Variants in TBC1D22A observed in about 807,000 individuals in gnomAD.
The protein encoded by TBC1D22A is putative GTPase activator.
Under a neutral mutation model 60.2 loss-of-function variants are expected in TBC1D22A, and 38 were observed. That is an observed-to-expected ratio of 0.63 (90% CI 0.49 to 0.83). The LOEUF is 0.83. Ranked by LOEUF, TBC1D22A falls within the 40% of genes least tolerant of loss-of-function variation. TBC1D22A has a pLI of 0.00. For synonymous variants in TBC1D22A, 302 were observed against 281.7 expected (o/e 1.07, Z -0.72); for missense variants, 628 against 701.0 (o/e 0.90, Z 1.18).
At chr22:46,888,427 A>T (rs2068228224) in intron 5 of TBC1D22A, among the ~76,000 whole-genome samples, 1 of 152,192 alleles carries the variant, frequency 6.6e-6, no homozygotes, top group Non-Finnish European at 1.5e-5. Flanking sequence ...GCCATCCGGG[A>T]TGTATTTGTT....
chr22:46,927,247 T>G (rs1052797354), intron 8 of TBC1D22A, among the ~76,000 whole-genome samples: 5 of 152,214 alleles, frequency 3.3e-5, no homozygotes, highest in African/African-American at 9.6e-5. Flanking sequence ...TTGAAAGGAT[T>G]AGGCATTATT....
Position 46,913,889 on chromosome 22 carries a change from T to C in TBC1D22A, c.1015+1701T>C, listed in dbSNP as rs535389627. ...TGAAGGGGCATGACCACGATCTTAATTGTCCAGAAGAAAGAAAGCCTGGAG... is the reference window on the plus strand; with the variant it reads ...TGAAGGGGCATGACCACGATCTTAACTGTCCAGAAGAAAGAAAGCCTGGAG... On this transcript the variant is annotated intron_variant, in intron 8 of 12. Coordinates refer to ENST00000337137, the MANE Select transcript of TBC1D22A (RefSeq NM_014346.5). The C allele has an allele frequency of 1.0e-5, 5 of 494,418 alleles. No homozygotes were observed. In the South Asian group the frequency reaches 3.5e-4, roughly 34 times the overall value. 30.6% of individuals were successfully genotyped at this position (494,418 alleles called of 1,614,324 possible). A position where few individuals can be genotyped will look rare whatever the true frequency, so the allele number is the denominator to read the frequency against.
At chr22:47,010,289 A>T (rs1480200103) in intron 10 of TBC1D22A, among the ~76,000 whole-genome samples, 1 of 152,186 alleles carries the variant, frequency 6.6e-6, no homozygotes, top group Non-Finnish European at 1.5e-5. Flanking sequence ...GAAGCAGAGG[A>T]TAAATCAGCA....
chr22:46,777,026 C>T lies in TBC1D22A; in HGVS notation c.62+14178C>T, dbSNP rs1601820047. ...TTCTTCTCAGGAGCAGGGGATGGGT[C>T]AGGGCCAGGGCTGATGGACAGGAGA... On this transcript the variant is annotated intron_variant, in intron 1 of 12. Transcript: ENST00000337137. The surrounding 1 kb of genome is among the most constrained non-coding windows in gnomAD (Gnocchi z 4.5). Among the ~76,000 whole-genome samples, 1 of 152,068 alleles carries T rather than the reference C, an allele frequency of 6.6e-6. No individual in the cohort carries two copies. The highest frequency in any genetic ancestry group is 2.4e-5 in the African/African-American group (1 of 41,398).
In TBC1D22A at chr22:47,003,844, C is replaced by T. The variant is rs1883110136; in HGVS notation, c.1201+6135C>T. 2.4e-5 allele frequency among the ~76,000 whole-genome samples: 3 copies of T among 126,578 alleles called. No individual in the cohort carries two copies. The South Asian group carries it at 7.4e-4, about 31-fold the overall frequency. The allele number at this position is 126,578 out of a possible 152,430, so 83.0% of individuals were successfully genotyped here. A position where few individuals can be genotyped will look rare whatever the true frequency, so the allele number is the denominator to read the frequency against. Reference sequence around the variant, plus strand: ...CATGCCTGTACGCACACACCCTACGCACACATGCCTGTATACACACACCCA... The same window carrying T: ...CATGCCTGTACGCACACACCCTACGTACACATGCCTGTATACACACACCCA... On this transcript the variant is annotated intron_variant, in intron 10 of 12. Coordinates refer to ENST00000337137, the MANE Select transcript of TBC1D22A (RefSeq NM_014346.5).
At chr22:46,796,558 C>T (rs1355656451) in intron 3 of TBC1D22A, among the ~76,000 whole-genome samples, 1 of 152,134 alleles carries the variant, frequency 6.6e-6, no homozygotes, top group Non-Finnish European at 1.5e-5. Context: ...GAGCCTTTCC[C>T]AGCCTCTTGC....
chr22:47,065,789 C>T (rs559514342), intron 11 of TBC1D22A, among the ~76,000 whole-genome samples: 2 of 152,258 alleles, frequency 1.3e-5, no homozygotes, highest in Admixed American at 6.5e-5. Context: ...TGAGGAGATG[C>T]GGGTTCCTTG....
rs577450049 is a variant in TBC1D22A at position 47,139,865 on chromosome 22, G to A, written c.1425+28262G>A. 2.1e-3 allele frequency among the ~76,000 whole-genome samples: 317 copies of A among 152,332 alleles called. 1 individual carries two copies. The highest frequency in any genetic ancestry group is 3.5e-3 in the Non-Finnish European group (241 of 68,036). On this transcript the variant is annotated intron_variant, in intron 12 of 12. Transcript: ENST00000337137. ...TAATAAACTTAATTCCTGCCAGTCC[G>A]TGAGAACCAGCCTGTGGACCTGTTG...
chr22:46,978,872 G>A (rs1442778722), intron 9 of TBC1D22A, among the ~76,000 whole-genome samples: 2 of 152,196 alleles, frequency 1.3e-5, no homozygotes, highest in Non-Finnish European at 1.5e-5. Context: ...GCCTCCCAAA[G>A]TGCTGCGATT....
chr22:47,017,641 G>A (rs1024349680), intron 10 of TBC1D22A, among the ~76,000 whole-genome samples: 4 of 152,170 alleles, frequency 2.6e-5, no homozygotes, highest in Non-Finnish European at 5.9e-5. Context: ...ATCAGAAAAC[G>A]GAGGAAATTG....
chr22:47,041,230 C>T (rs917415300), intron 11 of TBC1D22A, among the ~76,000 whole-genome samples: 1 of 152,238 alleles, frequency 6.6e-6, no homozygotes, highest in African/African-American at 2.4e-5. Flanking sequence ...ACTTCTACCA[C>T]CCATATCCCA....
chr22:46,849,259 C>T (rs796691276), intron 4 of TBC1D22A, among the ~76,000 whole-genome samples: 51 of 152,312 alleles, frequency 3.3e-4, no homozygotes, highest in African/African-American at 8.4e-4. Context: ...GGTCTCCAGA[C>T]GGCAGATTGC....
chr22:46,977,851 G>GTT (rs2074362910), intron 9 of TBC1D22A, among the ~76,000 whole-genome samples: 1 of 152,180 alleles, frequency 6.6e-6, no homozygotes, highest in Non-Finnish European at 1.5e-5. Context: ...AGCAGGGATG[G>GTT]TGCTAACCCA....
At chr22:46,879,116 G>GT (rs131870) in intron 5 of TBC1D22A, among the ~76,000 whole-genome samples, 2,008 of 135,394 alleles carry the variant, frequency 0.015, 38 homozygotes, top group African/African-American at 0.041. Flanking sequence ...GTTTGACCAA[G>GT]TTTTTTTTTT....
At chr22:47,096,958 T>G (rs2065203860) in intron 11 of TBC1D22A, among the ~76,000 whole-genome samples, 1 of 147,368 alleles carries the variant, frequency 6.8e-6, no homozygotes, top group African/African-American at 2.5e-5. Flanking sequence ...TCCACGTGGA[T>G]AGCCAGTTGT....
At chr22:46,941,823 A>G (rs1282320337) in intron 8 of TBC1D22A, among the ~76,000 whole-genome samples, 2 of 115,328 alleles carry the variant, frequency 1.7e-5, no homozygotes, top group African/African-American at 4.1e-5. Flanking sequence ...TATATATAGA[A>G]TATATAGAAT....
chr22:46,771,768 T>C (rs900052279), intron 1 of TBC1D22A, among the ~76,000 whole-genome samples: 2 of 152,068 alleles, frequency 1.3e-5, no homozygotes, highest in Non-Finnish European at 2.9e-5. Flanking sequence ...CTAATTTTTG[T>C]ATTTTTAGTA....
chr22:47,142,829 C>T (rs2067158369), intron 12 of TBC1D22A, among the ~76,000 whole-genome samples: 1 of 136,192 alleles, frequency 7.3e-6, no homozygotes, highest in Non-Finnish European at 1.6e-5. Context: ...TCCTCCTACC[C>T]TCCCATCCAC....
At chr22:46,955,960 G>A (rs1216946710) in intron 8 of TBC1D22A, among the ~76,000 whole-genome samples, 3 of 152,166 alleles carry the variant, frequency 2.0e-5, no homozygotes, top group Admixed American at 2.0e-4. Flanking sequence ...CACCGATAGA[G>A]GAAGTTTAAA....
Sources: gnomAD v4.1 joint callset for allele counts (sites outside exome capture counted in the v4.1 genomes callset) on GRCh38, gnomAD v4.1.1 for gene constraint, Gnocchi (gnomAD v3.1) non-coding constraint, MANE v1.5 for transcripts, NCBI Gene and HGNC (gene_info 2026-07-23, HGNC 2026-07-21) for gene names.